Variants in SLCO1B1 observed in about 807,000 individuals in gnomAD.
SLCO1B1 encodes the protein OATP-2.
SLCO1B1 carries 81 observed loss-of-function variants against 70.1 expected under a neutral mutation model. The observed-to-expected ratio is 1.16, with a 90% confidence interval of 0.97 to 1.39. The LOEUF (loss-of-function observed/expected upper bound fraction) is 1.39. Among genes scored for constraint, SLCO1B1 ranks in the 40% most tolerant of loss-of-function variants. The pLI, the probability that SLCO1B1 is intolerant of heterozygous loss-of-function variation, is 0.00. For missense variants in SLCO1B1, 895 were observed against 799.6 expected, an observed-to-expected ratio of 1.12 and a Z score of -1.44; for synonymous variants, 283 against 271.5, an observed-to-expected ratio of 1.04 and a Z score of -0.42.
At chr12:21,147,167 T>C (rs983611264) in intron 2 of SLCO1B1, among the ~76,000 whole-genome samples, 1 of 152,228 alleles carries the variant, frequency 6.6e-6, no homozygotes, top group Non-Finnish European at 1.5e-5. Flanking sequence ...CATTTTGTAA[T>C]GCCCCGTTTT....
intron 1 of SLCO1B1, among the ~76,000 whole-genome samples, chr12:21,133,760 C>A (rs1272013343): frequency 6.6e-6 from 1 of 152,210 alleles, no homozygotes; most frequent in South Asian, 2.1e-4. Context: ...TCTAGATATA[C>A]AATCATGTGA....
chr12:21,159,478 A>T (rs1940585060), intron 2 of SLCO1B1, among the ~76,000 whole-genome samples: 1 of 152,170 alleles, frequency 6.6e-6, no homozygotes, highest in South Asian at 2.1e-4. Context: ...GGCAAATGAT[A>T]AAAAATTCAA....
intron 12 of SLCO1B1, among the ~76,000 whole-genome samples, chr12:21,219,756 ATTATAT>A (rs1941400377): frequency 6.6e-6 from 1 of 152,098 alleles, no homozygotes; most frequent in Admixed American, 6.6e-5. Flanking sequence ...GCTTTATTTT[ATTATAT>A]TTATTTATTT....
chr12:21,157,851 C>T (rs1319750852), intron 2 of SLCO1B1, among the ~76,000 whole-genome samples: 5 of 152,018 alleles, frequency 3.3e-5, no homozygotes, highest in African/African-American at 4.8e-5. Context: ...CTGCCCACCT[C>T]GGCCTCCCAC....
In SLCO1B1 at chr12:21,204,589, A is replaced by C. The variant is rs557563146; in HGVS notation, c.1332-1279A>C. 2.1e-3 allele frequency among the ~76,000 whole-genome samples: 313 copies of C among 152,044 alleles called. 2 individuals carry two copies. The highest frequency in any genetic ancestry group is 5.9e-3 in the Admixed American group (90 of 15,218). On this transcript the variant is annotated intron_variant, in intron 10 of 14. Transcript: ENST00000256958. ...TACAAATGGCAAAACTGATTTTAGA[A>C]AGAAGTGCCAGAATTAATATAAACA...
chr12:21,162,550 G>A (rs1205644859), intron 2 of SLCO1B1, among the ~76,000 whole-genome samples: 1 of 152,126 alleles, frequency 6.6e-6, no homozygotes. Context: ...AATTCATGCA[G>A]AATTCCCGTT....
At chr12:21,206,846 CTA>C (rs1165200236) in intron 11 of SLCO1B1, among the ~76,000 whole-genome samples, 2 of 151,916 alleles carry the variant, frequency 1.3e-5, no homozygotes, top group Non-Finnish European at 2.9e-5. Flanking sequence ...AAACAGTCAA[CTA>C]TAATTATTGC....
intron 14 of SLCO1B1, among the ~76,000 whole-genome samples, chr12:21,226,943 T>G (rs1240343237): frequency 6.6e-6 from 1 of 152,014 alleles, no homozygotes; most frequent in East Asian, 1.9e-4. Context: ...CTATTAAATA[T>G]ATAAAAAGAT....
At chr12:21,146,890 A>G (rs973627908) in intron 2 of SLCO1B1, among the ~76,000 whole-genome samples, 3 of 152,140 alleles carry the variant, frequency 2.0e-5, no homozygotes, top group Non-Finnish European at 2.9e-5. Flanking sequence ...AAGAATGTGT[A>G]TTCTGTTGTT....
chr12:21,191,995 T>A (rs566095472), intron 7 of SLCO1B1, among the ~76,000 whole-genome samples: 6 of 152,212 alleles, frequency 3.9e-5, no homozygotes, highest in Non-Finnish European at 7.4e-5. Flanking sequence ...CCTTTTTATA[T>A]GCTATTAAAT....
intron 2 of SLCO1B1, among the ~76,000 whole-genome samples, chr12:21,161,838 T>A (rs1029908047): frequency 3.3e-5 from 5 of 152,042 alleles, no homozygotes; most frequent in Non-Finnish European, 7.4e-5. Flanking sequence ...TGAAACCCTG[T>A]CTCTACTGAA....
intron 2 of SLCO1B1, 84 bp downstream of exon 2, chr12:21,141,742 T>G: frequency 1.3e-6 from 1 of 778,756 alleles, no homozygotes; most frequent in South Asian, 1.6e-5. Flanking sequence ...AAAAAGAACA[T>G]TATGTTTCAA....
chr12:21,211,727 C>T (rs934470986), intron 11 of SLCO1B1, among the ~76,000 whole-genome samples: 8 of 152,136 alleles, frequency 5.3e-5, no homozygotes, highest in African/African-American at 1.9e-4. Flanking sequence ...TGATTATTGC[C>T]ACAATTTCAG....
chr12:21,141,405 G>A, intron 1 of SLCO1B1, 109 bp from the exon 2 acceptor site: 2 of 488,794 alleles, frequency 4.1e-6, no homozygotes, highest in Non-Finnish European at 7.5e-6. Context: ...TAGACCCTGA[G>A]TGAATGTTAG....
At chr12:21,235,509 A>G (rs1049885440) in intron 14 of SLCO1B1, among the ~76,000 whole-genome samples, 2 of 146,802 alleles carry the variant, frequency 1.4e-5, no homozygotes, top group Non-Finnish European at 3.0e-5. Context: ...TTGCTACTCT[A>G]TGTCTTTTAT....
At chr12:21,179,633 G>A (rs990257875) in intron 7 of SLCO1B1, among the ~76,000 whole-genome samples, 6 of 152,036 alleles carry the variant, frequency 3.9e-5, no homozygotes, top group African/African-American at 1.4e-4. Context: ...TATAAAAACT[G>A]TCTCAACTTC....
intron 14 of SLCO1B1, among the ~76,000 whole-genome samples, 200 bp downstream of exon 14, chr12:21,225,039 A>G (rs762482533): frequency 6.6e-6 from 1 of 152,108 alleles, no homozygotes; most frequent in Non-Finnish European, 1.5e-5. Flanking sequence ...ATTTTCTTCT[A>G]TTCTGTTATA....
intron 14 of SLCO1B1, among the ~76,000 whole-genome samples, chr12:21,227,495 T>C (rs1224208511): frequency 1.3e-5 from 2 of 152,118 alleles, no homozygotes; most frequent in Non-Finnish European, 2.9e-5. Flanking sequence ...CCCCAGCAGA[T>C]AAAATGATCC....
rs540723056 is a variant in SLCO1B1, at chr12:21,172,777, G to T, written c.212G>T (p.Gly71Val). 15 of 1,612,952 alleles carry T rather than the reference G, an allele frequency of 9.3e-6. No individual in the cohort carries two copies. Among genetic ancestry groups the T allele is most frequent in the African/African-American group, 1.3e-5 (1 of 74,874 alleles). ...TCTTCTCTTGTTGGTTTTATTGACGGAAGCTTTGAAATTGGTAACATTTAT... is the reference window on the plus strand; with the variant it reads ...TCTTCTCTTGTTGGTTTTATTGACGTAAGCTTTGAAATTGGTAACATTTAT... ...ISSSLVGFIDGSFEIGNLLVI... is the reference protein window; with the variant it reads ...ISSSLVGFIDVSFEIGNLLVI... The change falls in exon 3 of 15, where the codon GGA becomes GTA. Residue 71 changes from glycine to valine, a missense_variant. By Grantham distance (109) the Gly-to-Val change is moderately radical. Transcript: ENST00000256958.
Sources: allele counts gnomAD v4.1 joint callset (sites outside exome capture counted in the v4.1 genomes callset), GRCh38; gene constraint gnomAD v4.1.1; transcripts MANE v1.5; gene names NCBI Gene and HGNC (gene_info 2026-07-23, HGNC 2026-07-21).